Variants in DLGAP1 observed in about 807,000 individuals in gnomAD.
The protein encoded by DLGAP1 is DLG associated protein 1.
Under a neutral mutation model 90.8 loss-of-function variants are expected in DLGAP1, and 11 were observed. That is an observed-to-expected ratio of 0.12 (90% CI 0.08 to 0.20). The LOEUF (loss-of-function observed/expected upper bound fraction) is 0.20. Ranked by LOEUF, DLGAP1 falls within the 10% of genes least tolerant of loss-of-function variation. The pLI, the probability that DLGAP1 is intolerant of heterozygous loss-of-function variation, is 1.00. For missense variants in DLGAP1, 1,050 were observed against 1,333.8 expected (o/e 0.79, Z 3.31); for synonymous variants, 558 against 540.7 (o/e 1.03, Z -0.44).
At chr18:3,810,411 T>C (rs887150608) in intron 5 of DLGAP1, among the ~76,000 whole-genome samples, 2 of 152,190 alleles carry the variant, frequency 1.3e-5, no homozygotes, top group Non-Finnish European at 2.9e-5. Context: ...TCAACATTTC[T>C]GAGAGAAGAT....
intron 2 of DLGAP1, among the ~76,000 whole-genome samples, chr18:4,027,501 C>T (rs949599193): frequency 3.9e-5 from 2 of 51,208 alleles, no homozygotes; most frequent in East Asian, 6.2e-4. Flanking sequence ...AAGACTCCGT[C>T]TCAAAAAAAA....
At chr18:4,061,466 G>C (rs529566054) in intron 2 of DLGAP1, among the ~76,000 whole-genome samples, 211 of 152,188 alleles carry the variant, frequency 1.4e-3, no homozygotes, top group Admixed American at 3.0e-3. Flanking sequence ...TGGAATAAAA[G>C]TACAACATTT....
chr18:3,979,004 A>G (rs2073663880), intron 3 of DLGAP1, among the ~76,000 whole-genome samples: 1 of 152,240 alleles, frequency 6.6e-6, no homozygotes, highest in Non-Finnish European at 1.5e-5. Flanking sequence ...CAACAGATAA[A>G]TGAATAAATA....
chr18:3,877,445 T>C (rs1392595575), intron 4 of DLGAP1, among the ~76,000 whole-genome samples: 1 of 152,146 alleles, frequency 6.6e-6, no homozygotes, highest in African/African-American at 2.4e-5. Flanking sequence ...TACAGGTGTT[T>C]TTGTTTTTGT....
intron 7 of DLGAP1, among the ~76,000 whole-genome samples, chr18:3,726,200 A>G (rs1360730543): frequency 6.6e-6 from 1 of 152,212 alleles, no homozygotes; most frequent in Non-Finnish European, 1.5e-5. Context: ...AGTCCTACTA[A>G]ACCGAGATGT....
intron 7 of DLGAP1, among the ~76,000 whole-genome samples, chr18:3,685,659 G>C (rs1464844603): frequency 6.6e-6 from 1 of 150,906 alleles, no homozygotes; most frequent in East Asian, 1.9e-4. Context: ...TGTTGACCAG[G>C]CTGGTCTCAA....
At position 4,233,511 on chromosome 18, in the gene DLGAP1, T is replaced by A. The variant is rs541623346; in HGVS notation, c.-266-82224A>T. On this transcript the variant is annotated intron_variant, in intron 1 of 12. Coordinates refer to ENST00000315677, the MANE Select transcript of DLGAP1 (RefSeq NM_004746.4). ...ACATAATATCACAGGGTACATTATA[T>A]CAACATGATTTATCACTGTTATTGT... Among the ~76,000 whole-genome samples the A allele has an allele frequency of 6.3e-4, 96 of 152,290 alleles. 3 individuals are homozygous for A. The South Asian group carries it at 0.013, about 21-fold the overall frequency.
intron 1 of DLGAP1, among the ~76,000 whole-genome samples, chr18:4,394,869 G>A (rs935131884): frequency 1.3e-5 from 2 of 152,080 alleles, no homozygotes; most frequent in East Asian, 1.9e-4. Flanking sequence ...TGAAAATAAG[G>A]CATGCTCAGC....
chr18:4,199,744 T>C (rs979320015), intron 1 of DLGAP1, among the ~76,000 whole-genome samples: 1 of 152,224 alleles, frequency 6.6e-6, no homozygotes, highest in Non-Finnish European at 1.5e-5. Context: ...GCAAGGTGTT[T>C]TGCTTAATTC....
chr18:4,228,309 G>C (rs918008120), intron 1 of DLGAP1, among the ~76,000 whole-genome samples: 1 of 151,928 alleles, frequency 6.6e-6, no homozygotes, highest in Non-Finnish European at 1.5e-5. Context: ...CTAAAAAACA[G>C]AGGAGGAGGG....
intron 1 of DLGAP1, among the ~76,000 whole-genome samples, chr18:4,387,876 A>G (rs2082262870): frequency 6.6e-6 from 1 of 151,268 alleles, no homozygotes; most frequent in Non-Finnish European, 1.5e-5. Context: ...TGCTGCAGTG[A>G]GCTGAGATCA....
chr18:4,394,852 C>A (rs549066764), intron 1 of DLGAP1, among the ~76,000 whole-genome samples: 1 of 152,106 alleles, frequency 6.6e-6, no homozygotes, highest in African/African-American at 2.4e-5. Context: ...TTTCAGTTCT[C>A]GTCTATTGAA....
chr18:3,798,011 T>C (rs533970797), intron 5 of DLGAP1, among the ~76,000 whole-genome samples: 243 of 152,338 alleles, frequency 1.6e-3, no homozygotes, highest in Non-Finnish European at 1.7e-3. Flanking sequence ...TCTTGCCTTC[T>C]GCCATGATTG....
At chr18:3,994,748 A>G (rs1599288922) in intron 3 of DLGAP1, among the ~76,000 whole-genome samples, 1 of 152,240 alleles carries the variant, frequency 6.6e-6, no homozygotes, top group East Asian at 1.9e-4. Context: ...GCTAAATTAT[A>G]AAGTCCAAAA....
At position 3,886,446 on chromosome 18, in the gene DLGAP1, T is replaced by C. The variant is rs530084049; in HGVS notation, c.-72-6306A>G. Among the ~76,000 whole-genome samples the C allele has an allele frequency of 3.3e-5, 5 of 152,338 alleles. No individual in the cohort carries two copies. The East Asian group carries it at 9.6e-4, about 29-fold the overall frequency. ...CAATGCAATTATACTCTTATAGTTATTTTTAAAAGTGCGATTAGATTATTA... is the reference window on the plus strand; with the variant it reads ...CAATGCAATTATACTCTTATAGTTACTTTTAAAAGTGCGATTAGATTATTA... On this transcript the variant is annotated intron_variant, in intron 3 of 12. Coordinates refer to ENST00000315677, the MANE Select transcript of DLGAP1 (RefSeq NM_004746.4).
chr18:3,537,117 C>G (rs2052424938), intron 9 of DLGAP1, among the ~76,000 whole-genome samples: 1 of 152,062 alleles, frequency 6.6e-6, no homozygotes, highest in Non-Finnish European at 1.5e-5. Context: ...AATTTACCAG[C>G]TGAACCATTA....
At chr18:3,635,132 A>ATT (rs149375716) in intron 7 of DLGAP1, among the ~76,000 whole-genome samples, 6 of 140,232 alleles carry the variant, frequency 4.3e-5, no homozygotes, top group Non-Finnish European at 6.2e-5. Context: ...TGTCTGTCCC[A>ATT]TTTTTTTTTT....
At chr18:3,644,039 T>C (rs956606181) in intron 7 of DLGAP1, among the ~76,000 whole-genome samples, 2 of 152,204 alleles carry the variant, frequency 1.3e-5, no homozygotes, top group Admixed American at 6.5e-5. Context: ...GGCAGGGCCA[T>C]GTGACTAGTT....
chr18:4,451,959 C>T (rs1297367793), intron 1 of DLGAP1, among the ~76,000 whole-genome samples: 1 of 152,090 alleles, frequency 6.6e-6, no homozygotes. Context: ...TCTTTTTAGC[C>T]TTCTTATTTC....
Sources: gnomAD v4.1 joint callset for allele counts (sites outside exome capture counted in the v4.1 genomes callset) on GRCh38, gnomAD v4.1.1 for gene constraint, MANE v1.5 for transcripts, NCBI Gene and HGNC (gene_info 2026-07-23, HGNC 2026-07-21) for gene names.